CACNA1C: variants seen among roughly 807,000 people sequenced by gnomAD.
The protein encoded by CACNA1C is voltage-dependent L-type calcium channel subunit alpha-1C.
In CACNA1C, 30 loss-of-function variants were observed where a neutral mutation model predicts 229.0. The ratio of observed to expected loss-of-function variants is 0.13; its 90% CI spans 0.10 to 0.18. The LOEUF (loss-of-function observed/expected upper bound fraction) is 0.18, where lower values mean the gene tolerates loss of function less well. CACNA1C is among the 10% of genes least tolerant of loss of function. CACNA1C has a pLI of 1.00. For synonymous variants in CACNA1C, 1,114 were observed against 1,132.5 expected, an observed-to-expected ratio of 0.98 and a Z score of 0.33; for missense variants, 1,658 against 2,845.0, an observed-to-expected ratio of 0.58 and a Z score of 9.49.
intron 1 of CACNA1C, among the ~76,000 whole-genome samples, chr12:2,111,384 C>T (rs951096937): frequency 2.0e-5 from 3 of 152,182 alleles, no homozygotes; most frequent in African/African-American, 7.2e-5. Context: ...ATGCTCCCCT[C>T]ACGCAGCTTT....
intron 3 of CACNA1C, among the ~76,000 whole-genome samples, chr12:2,414,808 T>C (rs1187204602): frequency 6.6e-6 from 1 of 152,196 alleles, no homozygotes; most frequent in East Asian, 1.9e-4. Context: ...GAGATGTCAC[T>C]TCTAGCCAGA....
At chr12:2,025,617 C>T (rs1371364608) in intron 1 of CACNA1C, among the ~76,000 whole-genome samples, 1 of 152,228 alleles carries the variant, frequency 6.6e-6, no homozygotes, top group Non-Finnish European at 1.5e-5. Flanking sequence ...GCTGTTCCAT[C>T]TTCTGTCTTC....
In CACNA1C at chr12:2,099,417, TTCTC is replaced by T. The variant is rs562335978; in HGVS notation, c.50-15805_50-15802del. Among the ~76,000 whole-genome samples the T allele has an allele frequency of 8.5e-3, 1,290 of 152,048 alleles. 16 individuals are homozygous for T. The highest frequency in any genetic ancestry group is 0.029 in the African/African-American group (1,198 of 41,488). On this transcript the variant is annotated intron_variant, in intron 1 of 46. Transcript: ENST00000399655. The stretch of plus-strand genomic sequence containing the variant: ...AGTTCTTATGGGACTTCTTGCTTCT[TTCTC>T]TGTGGCTGCAGGGAGCTGCCTCTGT...
At position 2,377,262 on chromosome 12, in the gene CACNA1C, C is replaced by A. The variant is rs115467828; in HGVS notation, c.478-71714C>A. ...GCCTCAATGCCCTCCTCTCCCGGCC[C>A]CCGTTCTGTTTGTGAGCACAAGCTG... On this transcript the variant is annotated intron_variant, in intron 3 of 46. Coordinates refer to ENST00000399655, the MANE Select transcript of CACNA1C (RefSeq NM_000719.7). 6.3e-3 allele frequency among the ~76,000 whole-genome samples: 952 copies of A among 152,288 alleles called. 11 individuals are homozygous for A. The highest frequency in any genetic ancestry group is 0.022 in the African/African-American group (902 of 41,550).
At chr12:2,101,001 C>CA (rs551820516) in intron 1 of CACNA1C, among the ~76,000 whole-genome samples, 17,559 of 71,782 alleles carry the variant, frequency 0.24, 1,990 homozygotes, top group African/African-American at 0.43. Flanking sequence ...AGACCCATCT[C>CA]AAAAAAAAAA....
At chr12:2,361,330 C>T (rs2097551683) in intron 3 of CACNA1C, among the ~76,000 whole-genome samples, 1 of 152,148 alleles carries the variant, frequency 6.6e-6, no homozygotes, top group African/African-American at 2.4e-5. Flanking sequence ...TGATTTGGGG[C>T]ACATTGCTAC....
At chr12:2,065,901 G>A (rs1265040115) in intron 1 of CACNA1C, among the ~76,000 whole-genome samples, 2 of 152,148 alleles carry the variant, frequency 1.3e-5, no homozygotes, top group African/African-American at 4.8e-5. Context: ...GGAAGAAGTG[G>A]GAGAGAAAGT....
intron 1 of CACNA1C, among the ~76,000 whole-genome samples, chr12:2,009,806 T>C (rs1025007250): frequency 1.3e-5 from 2 of 152,162 alleles, no homozygotes; most frequent in African/African-American, 2.4e-5. Context: ...GGGCACCCCC[T>C]CCTGGAAAGG....
chr12:2,279,082 C>G (rs1566844215), intron 3 of CACNA1C, among the ~76,000 whole-genome samples: 1 of 152,088 alleles, frequency 6.6e-6, no homozygotes, highest in Non-Finnish European at 1.5e-5. Flanking sequence ...ATATTTGGGT[C>G]ATTTTCATAT....
At chr12:2,546,995 G>A (rs2099882534) in intron 9 of CACNA1C, among the ~76,000 whole-genome samples, 1 of 152,126 alleles carries the variant, frequency 6.6e-6, no homozygotes, top group Non-Finnish European at 1.5e-5. Flanking sequence ...CCCATGTGAG[G>A]GAGGAGACAA....
At chr12:2,584,761 TG>T in intron 16 of CACNA1C, 144 bp downstream of exon 16, 2 of 604,372 alleles carry the variant, frequency 3.3e-6, no homozygotes, top group Admixed American at 5.8e-5. Flanking sequence ...CTTCCTAAGT[TG>T]GGCCTCTCTC....
intron 38 of CACNA1C, among the ~76,000 whole-genome samples, chr12:2,670,957 A>G (rs978717178): frequency 6.6e-6 from 1 of 151,994 alleles, no homozygotes; most frequent in African/African-American, 2.4e-5. Context: ...AGCCAATGCA[A>G]TCACTCAATC....
chr12:2,087,792 T>C (rs999951898), intron 1 of CACNA1C, among the ~76,000 whole-genome samples: 1 of 152,198 alleles, frequency 6.6e-6, no homozygotes, highest in African/African-American at 2.4e-5. Context: ...TCTTCTGCCA[T>C]GATTCTTTGA....
In CACNA1C at chr12:2,418,201, C is replaced by T. The variant is rs34992881; in HGVS notation, c.478-30775C>T. Among the ~76,000 whole-genome samples the T allele has an allele frequency of 1.6e-4, 24 of 152,086 alleles. No homozygotes were observed. In the South Asian group the frequency reaches 2.3e-3, roughly 14 times the overall value. On this transcript the variant is annotated intron_variant, in intron 3 of 46. Coordinates refer to ENST00000399655, the MANE Select transcript of CACNA1C (RefSeq NM_000719.7). ...TCCCAGGCTGGCTTCTCCTGGGCTG[C>T]GGGTGGCCTTTGATTTTGGAGCCTC...
At chr12:2,161,009 A>G (rs1197086406) in intron 3 of CACNA1C, among the ~76,000 whole-genome samples, 1 of 152,188 alleles carries the variant, frequency 6.6e-6, no homozygotes, top group African/African-American at 2.4e-5. Context: ...TTCAGTGCAG[A>G]CAGGGTTTCA....
Position 2,504,865 on chromosome 12 carries a change from C to T in CACNA1C, c.1137C>T (p.Asp379=). 6.3e-7 allele frequency: 1 copy of T among 1,599,202 alleles called. No individual in the cohort carries two copies. Among genetic ancestry groups the T allele is most frequent in the Non-Finnish European group, 8.6e-7 (1 of 1,166,574 alleles). The part of the protein sequence containing the change: ...LYWVNDAVGR[D]WPWIYFVTLI... The stretch of plus-strand genomic sequence containing the variant: ...AGGTCAATGATGCCGTAGGAAGGGA[C>T]TGGCCCTGGATCTATTTTGTTACAC... The change falls in exon 8 of 47, where the codon GAC becomes GAT. Residue 379 remains aspartate, a synonymous_variant. Transcript: ENST00000399655. This position sits in a 1 kb window ranked among gnomAD's most constrained non-coding sequence, Gnocchi z 6.8.
At position 2,593,363 on chromosome 12, in the gene CACNA1C, G is replaced by A; in HGVS notation, c.2663+18G>A. Reference sequence around the variant, plus strand: ...AACAACAGGTGTGCAGCAATGGTGGGGAAGGTGGGGTCCTGCTCTCTCTAG... The same window carrying A: ...AACAACAGGTGTGCAGCAATGGTGGAGAAGGTGGGGTCCTGCTCTCTCTAG... On this transcript the variant is annotated intron_variant, in intron 19 of 46. Transcript: ENST00000399655. 6.2e-7 allele frequency: 1 copy of A among 1,613,040 alleles called. No individual in the cohort carries two copies. Among genetic ancestry groups the A allele is most frequent in the Non-Finnish European group, 8.5e-7 (1 of 1,179,630 alleles).
At chr12:2,466,024 C>T (rs1367377741) in intron 5 of CACNA1C, among the ~76,000 whole-genome samples, 1 of 152,154 alleles carries the variant, frequency 6.6e-6, no homozygotes, top group Non-Finnish European at 1.5e-5. Context: ...CACCTGAGTG[C>T]CAAGTCCCCA....
At chr12:1,992,452 C>A (rs1368907910) in intron 1 of CACNA1C, 1 of 153,206 alleles carries the variant, frequency 6.5e-6, no homozygotes, top group Non-Finnish European at 1.5e-5. Context: ...ATACAGAAAA[C>A]ATTTCTTCAC....
Sources: allele counts gnomAD v4.1 joint callset (sites outside exome capture counted in the v4.1 genomes callset), GRCh38; gene constraint gnomAD v4.1.1; non-coding constraint Gnocchi (gnomAD v3.1); transcripts MANE v1.5; gene names NCBI Gene and HGNC (gene_info 2026-07-23, HGNC 2026-07-21).